TMEM135: variants seen among roughly 807,000 people sequenced by gnomAD.
TMEM135 encodes the protein transmembrane protein 135.
In TMEM135, 30 loss-of-function variants were observed where a neutral mutation model predicts 60.3. The observed-to-expected ratio is 0.50, with a 90% CI of 0.37 to 0.68. The LOEUF (loss-of-function observed/expected upper bound fraction) is 0.68, where lower values mean the gene tolerates loss of function less well. Among genes scored for constraint, TMEM135 ranks in the 30% least tolerant of loss-of-function variants. The probability of loss-of-function intolerance (pLI) is 0.00; values close to 1 mark genes in which losing one functional copy is unlikely to be tolerated. For synonymous variants in TMEM135, 190 were observed against 186.7 expected, an observed-to-expected ratio of 1.02 and a Z score of -0.14; for missense variants, 468 against 548.8, an observed-to-expected ratio of 0.85 and a Z score of 1.47.
intron 6 of TMEM135, among the ~76,000 whole-genome samples, chr11:87,292,675 C>A (rs930414697): frequency 1.3e-5 from 2 of 152,062 alleles, no homozygotes; most frequent in African/African-American, 4.8e-5. Context: ...GGAATAATTA[C>A]GTTTTTGTTC....
intron 4 of TMEM135, among the ~76,000 whole-genome samples, chr11:87,136,413 T>G (rs1043368931): frequency 1.3e-5 from 2 of 152,076 alleles, no homozygotes; most frequent in African/African-American, 4.8e-5. Context: ...CAGATTTTCT[T>G]AAGAACATTT....
At position 87,137,670 on chromosome 11, in the gene TMEM135, A is replaced by ATT. The variant is rs11424291; in HGVS notation, c.397-19662_397-19661dup. ...TTGAAGTATAACTCTAAATCTCAGCATTTTTTTTTTATTATTTTGTTTGCT... is the reference window on the plus strand; with the variant it reads ...TTGAAGTATAACTCTAAATCTCAGCATTTTTTTTTTTTATTATTTTGTTTGCT... On this transcript the variant is annotated intron_variant, in intron 4 of 14. Coordinates refer to ENST00000305494, the MANE Select transcript of TMEM135 (RefSeq NM_022918.4). 1.3e-3 allele frequency among the ~76,000 whole-genome samples: 200 copies of ATT among 150,086 alleles called. 1 individual carries two copies. The highest frequency in any genetic ancestry group is 6.0e-3 in the Admixed American group (90 of 15,012).
At chr11:87,282,996 T>C (rs991325761) in intron 6 of TMEM135, among the ~76,000 whole-genome samples, 1 of 152,158 alleles carries the variant, frequency 6.6e-6, no homozygotes, top group Non-Finnish European at 1.5e-5. Context: ...TAAATGTTTC[T>C]CTTTCTTGGG....
At chr11:87,181,950 G>T (rs1286144038) in intron 5 of TMEM135, among the ~76,000 whole-genome samples, 1 of 150,050 alleles carries the variant, frequency 6.7e-6, no homozygotes, top group Non-Finnish European at 1.5e-5. Flanking sequence ...TTGAATGAGG[G>T]TGGCTTTTTT....
At chr11:87,151,770 G>A (rs1219295453) in intron 4 of TMEM135, among the ~76,000 whole-genome samples, 1 of 152,046 alleles carries the variant, frequency 6.6e-6, no homozygotes, top group Non-Finnish European at 1.5e-5. Context: ...TGGGATATAA[G>A]CAGAGTTCCA....
intron 1 of TMEM135, among the ~76,000 whole-genome samples, chr11:87,045,965 T>C (rs1177123219): frequency 1.3e-5 from 2 of 152,180 alleles, no homozygotes; most frequent in African/African-American, 4.8e-5. Context: ...AAGAATAAAA[T>C]GAATGAGACA....
intron 6 of TMEM135, among the ~76,000 whole-genome samples, chr11:87,246,522 C>G (rs914326972): frequency 2.4e-4 from 36 of 152,286 alleles, no homozygotes; most frequent in African/African-American, 6.3e-4. Context: ...TTCACATAGT[C>G]CCATATTTCT....
chr11:87,171,586 G>C (rs1004857529), intron 5 of TMEM135, among the ~76,000 whole-genome samples: 4 of 152,152 alleles, frequency 2.6e-5, no homozygotes, highest in Admixed American at 2.6e-4. Flanking sequence ...TTTACTAGCT[G>C]AGACCTTGGA....
At chr11:87,177,843 C>G (rs1418779198) in intron 5 of TMEM135, among the ~76,000 whole-genome samples, 1 of 152,146 alleles carries the variant, frequency 6.6e-6, no homozygotes, top group Non-Finnish European at 1.5e-5. Flanking sequence ...TGACGACTGA[C>G]TATAAAATTG....
At chr11:87,148,397 ATGT>A (rs1416476706) in intron 4 of TMEM135, among the ~76,000 whole-genome samples, 1 of 152,210 alleles carries the variant, frequency 6.6e-6, no homozygotes, top group Non-Finnish European at 1.5e-5. Flanking sequence ...ATCCTTAAAA[ATGT>A]TGGTGGGAAG....
intron 6 of TMEM135, among the ~76,000 whole-genome samples, chr11:87,239,239 A>G (rs1037554929): frequency 2.0e-5 from 3 of 152,058 alleles, no homozygotes; most frequent in Admixed American, 6.6e-5. Flanking sequence ...AACACTTTTA[A>G]TTTTCTGAGG....
At chr11:87,138,893 T>C (rs1042515529) in intron 4 of TMEM135, among the ~76,000 whole-genome samples, 3 of 152,198 alleles carry the variant, frequency 2.0e-5, no homozygotes, top group Admixed American at 6.5e-5. Flanking sequence ...TGGTTCTTAA[T>C]TGGTGACATG....
chr11:87,182,618 T>A (rs910734836), intron 5 of TMEM135, among the ~76,000 whole-genome samples: 2 of 152,184 alleles, frequency 1.3e-5, no homozygotes, highest in African/African-American at 4.8e-5. Context: ...ATTATGGAGA[T>A]GTCTGAAGGT....
At chr11:87,247,659 C>G (rs1166914546) in intron 6 of TMEM135, among the ~76,000 whole-genome samples, 1 of 152,166 alleles carries the variant, frequency 6.6e-6, no homozygotes. Flanking sequence ...CCCTCCGAGC[C>G]AGGTGTGGGA....
At chr11:87,085,103 A>G (rs1024351688) in intron 3 of TMEM135, among the ~76,000 whole-genome samples, 2 of 152,260 alleles carry the variant, frequency 1.3e-5, no homozygotes, top group African/African-American at 4.8e-5. Flanking sequence ...AGTGCTTAAC[A>G]TAACTGAAGA....
At chr11:87,111,000 C>T (rs781436237) in intron 4 of TMEM135, among the ~76,000 whole-genome samples, 1 of 152,162 alleles carries the variant, frequency 6.6e-6, no homozygotes, top group Non-Finnish European at 1.5e-5. Flanking sequence ...TGTACTTCAA[C>T]CTAGATGTTT....
chr11:87,054,018 T>G (rs951520448), intron 1 of TMEM135, among the ~76,000 whole-genome samples: 3 of 152,236 alleles, frequency 2.0e-5, no homozygotes, highest in Non-Finnish European at 4.4e-5. Context: ...CAAGTTAGTA[T>G]GGTGAATTGT....
chr11:87,205,671 G>C (rs926798696), intron 5 of TMEM135, among the ~76,000 whole-genome samples: 1 of 152,176 alleles, frequency 6.6e-6, no homozygotes, highest in Non-Finnish European at 1.5e-5. Flanking sequence ...ATTTACATTT[G>C]TGATGTTAAT....
chr11:87,206,937 G>C (rs1217176372), intron 5 of TMEM135, among the ~76,000 whole-genome samples: 5 of 152,034 alleles, frequency 3.3e-5, no homozygotes, highest in Non-Finnish European at 5.9e-5. Context: ...TCCTGCTCAA[G>C]AGTAAGATTA....
Sources: gnomAD v4.1 joint callset for allele counts (sites outside exome capture counted in the v4.1 genomes callset) on GRCh38, gnomAD v4.1.1 for gene constraint, MANE v1.5 for transcripts, NCBI Gene and HGNC (gene_info 2026-07-23, HGNC 2026-07-21) for gene names.